HK2: variants seen among roughly 807,000 people sequenced by gnomAD.
HK2 encodes the protein hexokinase 2.
Under a neutral mutation model 92.9 loss-of-function variants are expected in HK2, and 42 were observed. The ratio of observed to expected loss-of-function variants is 0.45; its 90% confidence interval spans 0.35 to 0.58. The LOEUF is 0.58. Ranked by LOEUF, HK2 falls within the 20% of genes least tolerant of loss-of-function variation. HK2 has a pLI of 0.00. For missense variants in HK2, 978 were observed against 1,245.1 expected, an observed-to-expected ratio of 0.79 and a Z score of 3.23; for synonymous variants, 422 against 468.0, an observed-to-expected ratio of 0.90 and a Z score of 1.27.
chr2:74,881,835 G>C lies in HK2; in HGVS notation c.1695G>C (p.Glu565Asp). The part of the protein sequence containing the change: ...MHNKIYAIPQ[E>D]VMHGTGDELF... Reference sequence around the variant, plus strand: ...ACAAGATCTACGCCATCCCGCAGGAGGTCATGCACGGCACCGGGGACGAGG... The same window carrying C: ...ACAAGATCTACGCCATCCCGCAGGACGTCATGCACGGCACCGGGGACGAGG... The change falls in exon 11 of 18, where the codon GAG becomes GAC. Residue 565 changes from glutamate to aspartate, a missense_variant. By Grantham distance (45) the Glu-to-Asp change is conservative (BLOSUM62 2). This residue lies in a region of HK2 where 742 missense variants were observed against 922.5 expected (regional missense o/e 0.80). Transcript: ENST00000290573. 1.9e-6 allele frequency: 3 copies of C among 1,614,218 alleles called. No homozygotes were observed. The highest frequency in any genetic ancestry group is 1.6e-4 in the Middle Eastern group (1 of 6,062).
intron 2 of HK2, among the ~76,000 whole-genome samples, chr2:74,856,567 C>T (rs993309828): frequency 1.3e-5 from 2 of 152,210 alleles, no homozygotes; most frequent in African/African-American, 4.8e-5. Flanking sequence ...TTTCACCCAG[C>T]ACTAACACTA....
chr2:74,873,971 C>G, intron 6 of HK2, 28 bp downstream of exon 6: 1 of 1,547,174 alleles, frequency 6.5e-7, no homozygotes, highest in Non-Finnish European at 8.9e-7. Flanking sequence ...ATGAAGGGCC[C>G]GTGCTGGCCA....
intron 1 of HK2, among the ~76,000 whole-genome samples, chr2:74,843,135 C>T (rs1688355853): frequency 6.6e-6 from 1 of 152,102 alleles, no homozygotes; most frequent in Admixed American, 6.6e-5. Context: ...TAGGTTTGGC[C>T]CCACCGACCC....
chr2:74,865,695 G>T (rs1688929352), intron 2 of HK2, among the ~76,000 whole-genome samples: 1 of 152,126 alleles, frequency 6.6e-6, no homozygotes, highest in South Asian at 2.1e-4. Flanking sequence ...CACTGGGCAG[G>T]AAATGGAAAA....
intron 1 of HK2, among the ~76,000 whole-genome samples, chr2:74,842,237 A>AT (rs142003448): frequency 1.5e-4 from 23 of 151,552 alleles, no homozygotes; most frequent in South Asian, 4.2e-4. Context: ...GTTCAACTTG[A>AT]TTTTTTTTTG....
chr2:74,886,598 A>G lies in HK2; in HGVS notation c.2144A>G (p.Asn715Ser), dbSNP rs763001918. Reference sequence around the variant, plus strand: ...ATGGAATGGGGGGCCTTCGGGGACAATGGATGCCTAGATGACTTCCGCACA... The same window carrying G: ...ATGGAATGGGGGGCCTTCGGGGACAGTGGATGCCTAGATGACTTCCGCACA... Reference protein sequence around the residue: ...VNMEWGAFGDNGCLDDFRTEF... With the variant: ...VNMEWGAFGDSGCLDDFRTEF... The change falls in exon 15 of 18, where the codon AAT becomes AGT. Residue 715 changes from asparagine (N) to serine (S), a missense_variant. This residue lies in a region of HK2 where 742 missense variants were observed against 922.5 expected (regional missense o/e 0.80). Coordinates refer to ENST00000290573, the MANE Select transcript of HK2 (RefSeq NM_000189.5). 54 of 1,613,894 alleles carry G rather than the reference A, an allele frequency of 3.3e-5. No homozygotes were observed. The highest frequency in any genetic ancestry group is 4.3e-5 in the Non-Finnish European group (51 of 1,179,994).
Position 74,881,781 on chromosome 2 carries a change from T to C in HK2, c.1641T>C (p.Asn547=), listed in dbSNP as rs1454164080. The C allele has an allele frequency of 1.2e-6, 2 of 1,614,120 alleles. No individual in the cohort carries two copies. The highest frequency in any genetic ancestry group is 1.7e-5 in the Admixed American group (1 of 60,018). The change falls in exon 11 of 18, where the codon AAT becomes AAC. Residue 547 remains asparagine (N), a synonymous_variant. Coordinates refer to ENST00000290573, the MANE Select transcript of HK2 (RefSeq NM_000189.5). The part of the protein sequence containing the change: ...NFRVLLVRVR[N]GKWGGVEMHN... ...GGGTCCTGCTGGTCCGTGTTCGGAATGGGAAGTGGGGTGGAGTGGAGATGC... is the reference window on the plus strand; with the variant it reads ...GGGTCCTGCTGGTCCGTGTTCGGAACGGGAAGTGGGGTGGAGTGGAGATGC...
intron 1 of HK2, among the ~76,000 whole-genome samples, chr2:74,837,115 C>A (rs1008686381): frequency 6.6e-6 from 1 of 152,214 alleles, no homozygotes; most frequent in African/African-American, 2.4e-5. Context: ...GGTATGTCAG[C>A]TTATTAACAT....
intron 2 of HK2, among the ~76,000 whole-genome samples, chr2:74,859,424 T>C (rs527594244): frequency 5.8e-4 from 88 of 152,322 alleles, no homozygotes; most frequent in Middle Eastern, 3.4e-3. Flanking sequence ...TGGTGTCTCA[T>C]GCCTGCAATC....
chr2:74,886,757 C>G (rs1689550350), intron 15 of HK2, 84 bp downstream of exon 15: 1 of 1,385,516 alleles, frequency 7.2e-7, no homozygotes, highest in Non-Finnish European at 1.0e-6. Context: ...TGGCATCTCC[C>G]AGGACGCCGG....
At chr2:74,842,054 C>G (rs1462770107) in intron 1 of HK2, among the ~76,000 whole-genome samples, 1 of 152,258 alleles carries the variant, frequency 6.6e-6, no homozygotes, top group Non-Finnish European at 1.5e-5. Context: ...GTTACTCTAC[C>G]TGTCTAGGCC....
In HK2 at chr2:74,885,885, C is replaced by CACACACACACACAA. The variant is rs58908262; in HGVS notation, c.1935+297_1935+298insCACACACACACAAA. On this transcript the variant is annotated intron_variant, in intron 13 of 17. Coordinates refer to ENST00000290573, the MANE Select transcript of HK2 (RefSeq NM_000189.5). ...ACACACACACACACACACACACACA[C>CACACACACACACAA]AGTAAAGGAATAAAAGAATGGCCAC... is the stretch of plus-strand genomic sequence containing the variant. Among the ~76,000 whole-genome samples, 943 of 148,514 alleles carry CACACACACACACAA rather than the reference C, an allele frequency of 6.3e-3. 11 individuals are homozygous for CACACACACACACAA. The highest frequency in any genetic ancestry group is 0.021 in the African/African-American group (828 of 39,394).
chr2:74,847,786 G>A (rs775417536), intron 1 of HK2, among the ~76,000 whole-genome samples: 4 of 152,186 alleles, frequency 2.6e-5, no homozygotes, highest in Admixed American at 6.5e-5. Flanking sequence ...TGAGTCAGTC[G>A]TTTTCATCCC....
chr2:74,835,538 G>T (rs1249294993), intron 1 of HK2, among the ~76,000 whole-genome samples: 1 of 152,190 alleles, frequency 6.6e-6, no homozygotes, highest in Non-Finnish European at 1.5e-5. Context: ...ACCGCGGCCG[G>T]GTCATTTACA....
At chr2:74,874,569 C>A in intron 7 of HK2, 120 bp downstream of exon 7, 1 of 927,188 alleles carries the variant, frequency 1.1e-6, no homozygotes, top group Non-Finnish European at 1.6e-6. Flanking sequence ...GCCAAGGTGG[C>A]CACTGGTCAT....
chr2:74,864,667 C>T lies in HK2; in HGVS notation c.227-2969C>T, dbSNP rs996677095. On this transcript the variant is annotated intron_variant, in intron 2 of 17. Transcript: ENST00000290573. Reference sequence around the variant, plus strand: ...GATTACAGGGCTACGCCACCATGCCCGGCAAATTTTTGTATTATTAGTAGA... The same window carrying T: ...GATTACAGGGCTACGCCACCATGCCTGGCAAATTTTTGTATTATTAGTAGA... 1.3e-4 allele frequency among the ~76,000 whole-genome samples: 20 copies of T among 152,084 alleles called. No homozygotes were observed. The East Asian group carries it at 1.4e-3, about 10-fold the overall frequency.
rs1270669626 is a variant in HK2, at chr2:74,893,291, A to G, written c.*2350A>G. 1 of 152,232 alleles carries G rather than the reference A, an allele frequency of 6.6e-6. No homozygotes were observed. Among genetic ancestry groups the G allele is most frequent in the Non-Finnish European group, 1.5e-5 (1 of 68,042 alleles). The allele number at this position is 152,232 out of a possible 1,614,324, so 9.4% of individuals were successfully genotyped here. ...GATGTTGTCATTATGTACAATACATAACTAGTTTAATTAACTATGTGATGT... is the reference window on the plus strand; with the variant it reads ...GATGTTGTCATTATGTACAATACATGACTAGTTTAATTAACTATGTGATGT... On this transcript the variant is annotated 3_prime_UTR_variant, in exon 18 of 18. Transcript: ENST00000290573.
At position 74,890,909 on chromosome 2, in the gene HK2, G is replaced by A. The variant is rs1192336922; in HGVS notation, c.2722G>A (p.Ala908Thr). The A allele has an allele frequency of 1.2e-6, 2 of 1,614,170 alleles. No individual in the cohort carries two copies. The highest frequency in any genetic ancestry group is 3.3e-4 in the Middle Eastern group (2 of 6,062). ...GGGGGCGGCGCTCATCACTGCTGTG[G>A]CCTGCCGCATCCGTGAGGCTGGACA... ...GKGAALITAV[A>T]CRIREAGQR The change falls in exon 18 of 18, where the codon GCC becomes ACC. Residue 908 changes from alanine (A) to threonine (T), a missense_variant. Physicochemically the swap from Ala to Thr is moderately conservative, Grantham distance 58 (BLOSUM62 0). Coordinates refer to ENST00000290573, the MANE Select transcript of HK2 (RefSeq NM_000189.5).
intron 1 of HK2, among the ~76,000 whole-genome samples, chr2:74,852,900 G>T (rs1242889290): frequency 1.3e-5 from 2 of 152,322 alleles, no homozygotes; most frequent in African/African-American, 4.8e-5. Flanking sequence ...CTCCAGGTAT[G>T]CAAAGGTGAA....
Sources: gnomAD v4.1 joint callset for allele counts (sites outside exome capture counted in the v4.1 genomes callset) on GRCh38, gnomAD v4.1.1 for gene constraint, gnomAD v4.1.1 regional missense constraint, MANE v1.5 for transcripts, NCBI Gene and HGNC (gene_info 2026-07-23, HGNC 2026-07-21) for gene names.